Variants in TLN2 observed in about 807,000 individuals in gnomAD.
TLN2 encodes talin-2.
A neutral mutation model predicts 294.7 loss-of-function variants in TLN2; 118 were observed. The ratio of observed to expected loss-of-function variants is 0.40; its 90% CI spans 0.34 to 0.47. The LOEUF (loss-of-function observed/expected upper bound fraction) is 0.47, where lower values mean the gene tolerates loss of function less well. Ranked by LOEUF, TLN2 falls within the 20% of genes least tolerant of loss-of-function variation. The pLI is 0.84. For missense variants in TLN2, 3,083 were observed against 3,282.2 expected (o/e 0.94, Z 1.48); for synonymous variants, 1,431 against 1,304.5 (o/e 1.10, Z -2.09).
At chr15:62,582,884 A>T (rs1478666586) in intron 1 of TLN2, among the ~76,000 whole-genome samples, 1 of 152,168 alleles carries the variant, frequency 6.6e-6, no homozygotes, top group African/African-American at 2.4e-5. Context: ...TGCCAGTAGG[A>T]AAACCCTGGC....
intron 52 of TLN2, among the ~76,000 whole-genome samples, chr15:62,816,760 AG>A (rs1325088987): frequency 2.6e-5 from 4 of 152,228 alleles, no homozygotes; most frequent in Non-Finnish European, 4.4e-5. Context: ...TGGCCACTTT[AG>A]AGAAACCATT....
intron 1 of TLN2, among the ~76,000 whole-genome samples, chr15:62,522,590 A>G (rs977071113): frequency 3.9e-5 from 6 of 152,318 alleles, no homozygotes; most frequent in Non-Finnish European, 7.4e-5. Flanking sequence ...TTGCTTTTCA[A>G]TAGAGGTGGG....
intron 25 of TLN2, among the ~76,000 whole-genome samples, chr15:62,721,854 A>G (rs1422772216): frequency 6.6e-6 from 1 of 152,070 alleles, no homozygotes; most frequent in Non-Finnish European, 1.5e-5. Flanking sequence ...TGTGAGATAG[A>G]GTGAACAGTG....
At chr15:62,491,031 A>G (rs116977318) in intron 1 of TLN2, among the ~76,000 whole-genome samples, 1 of 152,174 alleles carries the variant, frequency 6.6e-6, no homozygotes. Context: ...ACTTCAAAAT[A>G]TGTAAGATGG....
At chr15:62,673,303 G>A (rs1192401975) in intron 9 of TLN2, among the ~76,000 whole-genome samples, 1 of 15,896 alleles carries the variant, frequency 6.3e-5, no homozygotes, top group Non-Finnish European at 2.3e-4. Context: ...TAGATTTTTA[G>A]ATGTTGCTTT....
chr15:62,754,759 G>A (rs552835440), intron 36 of TLN2: 1 of 152,466 alleles, frequency 6.6e-6, no homozygotes, highest in African/African-American at 2.4e-5. Context: ...GGTGTTACCA[G>A]CCTCAGCAAA....
intron 3 of TLN2, among the ~76,000 whole-genome samples, chr15:62,632,560 G>A (rs767038064): frequency 4.6e-5 from 7 of 152,140 alleles, no homozygotes; most frequent in South Asian, 2.1e-4. Flanking sequence ...CATGGCACCC[G>A]CCAACTCTCA....
At chr15:62,464,143 A>G (rs1214634833) in intron 1 of TLN2, among the ~76,000 whole-genome samples, 2 of 152,228 alleles carry the variant, frequency 1.3e-5, no homozygotes, top group Non-Finnish European at 2.9e-5. Context: ...TTGTGGCACT[A>G]TTCACAATAG....
At chr15:62,469,049 A>G (rs2037317400) in intron 1 of TLN2, among the ~76,000 whole-genome samples, 1 of 152,238 alleles carries the variant, frequency 6.6e-6, no homozygotes, top group Non-Finnish European at 1.5e-5. Context: ...TGTTTTCGTG[A>G]AGGCAGGAGT....
intron 1 of TLN2, among the ~76,000 whole-genome samples, chr15:62,402,888 T>C (rs2033131287): frequency 6.6e-6 from 1 of 152,158 alleles, no homozygotes; most frequent in East Asian, 1.9e-4. Flanking sequence ...GCATCATCAG[T>C]TTCTCACTCT....
intron 42 of TLN2, among the ~76,000 whole-genome samples, chr15:62,776,501 A>G (rs2063728072): frequency 6.6e-6 from 1 of 152,240 alleles, no homozygotes; most frequent in African/African-American, 2.4e-5. Flanking sequence ...ATAGTAACAT[A>G]TAAAATTGGT....
At chr15:62,448,878 C>T (rs974331916) in intron 1 of TLN2, among the ~76,000 whole-genome samples, 3 of 152,264 alleles carry the variant, frequency 2.0e-5, no homozygotes, top group South Asian at 4.1e-4. Flanking sequence ...GCGTGCTCTT[C>T]GAGTTTCTTC....
At chr15:62,681,789 TTTTA>T (rs1430779754) in intron 11 of TLN2, among the ~76,000 whole-genome samples, 1 of 152,206 alleles carries the variant, frequency 6.6e-6, no homozygotes, top group African/African-American at 2.4e-5. Context: ...ATTAATTTAA[TTTTA>T]TTTATTAATT....
intron 47 of TLN2, 100 bp from the exon 48 acceptor site, chr15:62,797,119 T>G: frequency 7.4e-7 from 1 of 1,356,432 alleles, no homozygotes; most frequent in Non-Finnish European, 1.0e-6. Context: ...TTCAAAGCCC[T>G]TTAACAAAAG....
chr15:62,472,786 C>A (rs972868713), intron 1 of TLN2, among the ~76,000 whole-genome samples: 1 of 152,090 alleles, frequency 6.6e-6, no homozygotes. Context: ...TTTCTCCGAC[C>A]GACGGATGAC....
chr15:62,419,085 A>C (rs2034245350), intron 1 of TLN2, among the ~76,000 whole-genome samples: 1 of 152,248 alleles, frequency 6.6e-6, no homozygotes, highest in Non-Finnish European at 1.5e-5. Context: ...ATGAAGATTT[A>C]GCATTCAGAT....
At chr15:62,516,946 A>G (rs564035539) in intron 1 of TLN2, among the ~76,000 whole-genome samples, 1 of 152,306 alleles carries the variant, frequency 6.6e-6, no homozygotes, top group East Asian at 1.9e-4. Flanking sequence ...TGTGGGTTTC[A>G]CTGGAACTAT....
At chr15:62,672,465 C>T (rs2055548230) in intron 9 of TLN2, among the ~76,000 whole-genome samples, 1 of 152,094 alleles carries the variant, frequency 6.6e-6, no homozygotes, top group Non-Finnish European at 1.5e-5. Context: ...CAGGGGAGGT[C>T]AGTGGGATGG....
At chr15:62,519,681 A>C (rs2040361134) in intron 1 of TLN2, among the ~76,000 whole-genome samples, 2 of 152,214 alleles carry the variant, frequency 1.3e-5, no homozygotes. Flanking sequence ...CAGAAGGAAG[A>C]GTATAATGTG....
Sources: gnomAD v4.1 joint callset for allele counts (sites outside exome capture counted in the v4.1 genomes callset) on GRCh38, gnomAD v4.1.1 for gene constraint, MANE v1.5 for transcripts, NCBI Gene and HGNC (gene_info 2026-07-23, HGNC 2026-07-21) for gene names.